TRPC6: variants seen among roughly 807,000 people sequenced by gnomAD.
The protein encoded by TRPC6 is transient receptor potential cation channel subfamily C member 6, also known as short transient receptor potential channel 6.
Under a neutral mutation model 90.7 loss-of-function variants are expected in TRPC6, and 55 were observed. The ratio of observed to expected loss-of-function variants is 0.61; its 90% CI spans 0.49 to 0.76. TRPC6 has a LOEUF of 0.76. TRPC6 is among the 30% of genes least tolerant of loss of function. The probability of loss-of-function intolerance (pLI) is 0.00; values close to 1 mark genes in which losing one functional copy is unlikely to be tolerated. For missense variants in TRPC6, 989 were observed against 1,122.7 expected, an observed-to-expected ratio of 0.88 and a Z score of 1.70; for synonymous variants, 393 against 393.0, an observed-to-expected ratio of 1.00 and a Z score of 0.00.
At chr11:101,580,314 T>C (rs1033570688) in intron 1 of TRPC6, among the ~76,000 whole-genome samples, 3 of 152,194 alleles carry the variant, frequency 2.0e-5, no homozygotes, top group Admixed American at 2.0e-4. Flanking sequence ...AAATGCCTCC[T>C]GGGACCTTGG....
At position 101,491,647 on chromosome 11, in the gene TRPC6, A is replaced by C; in HGVS notation, c.1037T>G (p.Leu346Arg). 7 of 1,614,010 alleles carry C rather than the reference A, an allele frequency of 4.3e-6. No homozygotes were observed. Among genetic ancestry groups the C allele is most frequent in the Non-Finnish European group, 5.9e-6 (7 of 1,180,002 alleles). ...CTGGAGCGTTTCAACATCCCCATTC[A>C]GAATGGCCTCGACTTCTTCAGTGTT... ...CRNTEEVEAI[L>R]NGDVETLQSG... The change falls in exon 3 of 13, where the codon CTG (leucine) becomes CGG (arginine). Residue 346 changes from leucine (L) to arginine (R), a missense_variant. Leu to Arg is a moderately radical substitution (Grantham distance 102). This residue lies in a region of TRPC6 where 486 missense variants were observed against 591.9 expected (regional missense o/e 0.82). Coordinates refer to ENST00000344327, the MANE Select transcript of TRPC6 (RefSeq NM_004621.6).
At chr11:101,567,099 A>G (rs1861852159) in intron 1 of TRPC6, among the ~76,000 whole-genome samples, 1 of 152,090 alleles carries the variant, frequency 6.6e-6, no homozygotes, top group Non-Finnish European at 1.5e-5. Flanking sequence ...CATGGATCCC[A>G]GCAAGCTCAG....
chr11:101,570,699 G>A (rs1317697703), intron 1 of TRPC6, among the ~76,000 whole-genome samples: 1 of 152,148 alleles, frequency 6.6e-6, no homozygotes, highest in Non-Finnish European at 1.5e-5. Context: ...TCATCTCTGG[G>A]ATGCAAGGCT....
chr11:101,508,658 CAG>C (rs1860328223), intron 1 of TRPC6, among the ~76,000 whole-genome samples: 1 of 152,028 alleles, frequency 6.6e-6, no homozygotes, highest in Non-Finnish European at 1.5e-5. Context: ...GGGGGAGAGA[CAG>C]TATCTTCCAA....
intron 1 of TRPC6, among the ~76,000 whole-genome samples, chr11:101,552,343 A>G (rs1861468671): frequency 6.6e-6 from 1 of 152,152 alleles, no homozygotes; most frequent in Admixed American, 6.6e-5. Flanking sequence ...ATTTGAAAAC[A>G]TAATAACAAA....
chr11:101,547,481 G>A (rs1861333722), intron 1 of TRPC6, among the ~76,000 whole-genome samples: 1 of 151,974 alleles, frequency 6.6e-6, no homozygotes, highest in Non-Finnish European at 1.5e-5. Flanking sequence ...GGCTTATTTA[G>A]AAATTCCCAA....
chr11:101,525,080 T>C (rs543332670), intron 1 of TRPC6, among the ~76,000 whole-genome samples: 7 of 152,232 alleles, frequency 4.6e-5, no homozygotes, highest in Non-Finnish European at 8.8e-5. Flanking sequence ...CCAGTTACAT[T>C]AGCCACTGAT....
intron 1 of TRPC6, among the ~76,000 whole-genome samples, chr11:101,510,925 T>G (rs1000876849): frequency 6.6e-6 from 1 of 152,214 alleles, no homozygotes; most frequent in Non-Finnish European, 1.5e-5. Context: ...AACTTTGACT[T>G]TGTGCTTTAA....
At chr11:101,549,170 T>C (rs1313310305) in intron 1 of TRPC6, among the ~76,000 whole-genome samples, 1 of 151,940 alleles carries the variant, frequency 6.6e-6, no homozygotes, top group Non-Finnish European at 1.5e-5. Flanking sequence ...CCTGAAGTGA[T>C]TTAAGAGCAA....
At position 101,489,115 on chromosome 11, in the gene TRPC6, G is replaced by A; in HGVS notation, c.1129-14C>T. The A allele has an allele frequency of 6.2e-7, 1 of 1,613,326 alleles. No homozygotes were observed. Among genetic ancestry groups the A allele is most frequent in the Non-Finnish European group, 8.5e-7 (1 of 1,179,376 alleles). On this transcript the variant is annotated splice_polypyrimidine_tract_variant and intron_variant, in intron 3 of 12. Transcript: ENST00000344327. Reference sequence around the variant, plus strand: ...ATGAGCTACAAACTAGCAGGGAAGTGACAAAATATTTAAATTTGACTAAAG... The same window carrying A: ...ATGAGCTACAAACTAGCAGGGAAGTAACAAAATATTTAAATTTGACTAAAG...
At chr11:101,512,314 A>C (rs1050204636) in intron 1 of TRPC6, among the ~76,000 whole-genome samples, 1 of 152,208 alleles carries the variant, frequency 6.6e-6, no homozygotes, top group African/African-American at 2.4e-5. Context: ...GTTGGGAGCC[A>C]GCAAAAGTGT....
rs1858773753 is a variant in TRPC6, at chr11:101,452,004, A to G, written c.*951T>C. On this transcript the variant is annotated 3_prime_UTR_variant, in exon 13 of 13. Coordinates refer to ENST00000344327, the MANE Select transcript of TRPC6 (RefSeq NM_004621.6). ...AACATATTGAAAATAACAGATAAGT[A>G]TTTACAAATTCTCACCTTATTTTTC... is the stretch of plus-strand genomic sequence containing the variant. 6.6e-6 allele frequency: 1 copy of G among 152,198 alleles called. No individual in the cohort carries two copies. The highest frequency in any genetic ancestry group is 2.1e-4 in the South Asian group (1 of 4,832). The allele number at this position is 152,198 out of a possible 1,614,324, so 9.4% of individuals were successfully genotyped here. A position where few individuals can be genotyped will look rare whatever the true frequency, so the allele number is the denominator to read the frequency against.
In TRPC6 at chr11:101,479,962, T is replaced by G. The variant is rs7925826; in HGVS notation, c.1510+2987A>C. Among the ~76,000 whole-genome samples, 577 of 152,274 alleles carry G rather than the reference T, an allele frequency of 3.8e-3. 6 individuals carry two copies. Among genetic ancestry groups the G allele is most frequent in the African/African-American group, 0.013 (553 of 41,550 alleles). Reference sequence around the variant, plus strand: ...GGGAGGCCGAGGTGGGCAGATCACCTGAGGTTGGAAGTTTGAGACCAGCTG... The same window carrying G: ...GGGAGGCCGAGGTGGGCAGATCACCGGAGGTTGGAAGTTTGAGACCAGCTG... On this transcript the variant is annotated intron_variant, in intron 5 of 12. Coordinates refer to ENST00000344327, the MANE Select transcript of TRPC6 (RefSeq NM_004621.6).
At chr11:101,518,663 T>A (rs1223495679) in intron 1 of TRPC6, among the ~76,000 whole-genome samples, 1 of 152,182 alleles carries the variant, frequency 6.6e-6, no homozygotes, top group African/African-American at 2.4e-5. Flanking sequence ...TGAGCTGCCA[T>A]ATGATCCAGC....
chr11:101,549,778 T>C (rs1861411041), intron 1 of TRPC6, among the ~76,000 whole-genome samples: 1 of 151,368 alleles, frequency 6.6e-6, no homozygotes, highest in African/African-American at 2.4e-5. Flanking sequence ...AAAGAACTAT[T>C]ATGGCCCTAA....
chr11:101,531,142 C>T (rs985994072), intron 1 of TRPC6, among the ~76,000 whole-genome samples: 4 of 152,304 alleles, frequency 2.6e-5, no homozygotes, highest in African/African-American at 7.2e-5. Context: ...GTGTTGATTA[C>T]TTTGATTGTG....
intron 10 of TRPC6, among the ~76,000 whole-genome samples, chr11:101,468,768 C>A (rs1055232218): frequency 6.6e-6 from 1 of 152,146 alleles, no homozygotes; most frequent in Non-Finnish European, 1.5e-5. Flanking sequence ...TTGTTTAAAC[C>A]ACCATGATTT....
chr11:101,559,778 T>TC (rs1861673917), intron 1 of TRPC6, among the ~76,000 whole-genome samples: 1 of 93,666 alleles, frequency 1.1e-5, no homozygotes, highest in Admixed American at 1.2e-4. Context: ...ATGCTATCCC[T>TC]CCCCCCTCCC....
chr11:101,472,017 TA>T, intron 8 of TRPC6, 119 bp downstream of exon 8: 1 of 1,044,528 alleles, frequency 9.6e-7, no homozygotes, highest in Non-Finnish European at 1.5e-6. Context: ...AACGAGTGTA[TA>T]AAACAGGGAA....
Sources: allele counts gnomAD v4.1 joint callset (sites outside exome capture counted in the v4.1 genomes callset), GRCh38; gene constraint gnomAD v4.1.1; regional missense constraint gnomAD v4.1.1; transcripts MANE v1.5; gene names NCBI Gene and HGNC (gene_info 2026-07-23, HGNC 2026-07-21).